Variants in RETREG1 observed in about 807,000 individuals in gnomAD.
RETREG1 encodes reticulophagy regulator 1, also known as family with sequence similarity 134 member B.
Under a neutral mutation model 54.8 loss-of-function variants are expected in RETREG1, and 44 were observed. The ratio of observed to expected loss-of-function variants is 0.80; its 90% CI spans 0.63 to 1.03. The LOEUF (loss-of-function observed/expected upper bound fraction) is 1.03. Among genes scored for constraint, RETREG1 ranks in the 50% least tolerant of loss-of-function variants. RETREG1 has a pLI of 0.00. For missense variants in RETREG1, 554 were observed against 605.1 expected (o/e 0.92, Z 0.89); for synonymous variants, 217 against 238.5 (o/e 0.91, Z 0.83).
chr5:16,596,787 T>C lies in RETREG1; in HGVS notation c.320+19865A>G, dbSNP rs183041112. 3.9e-5 allele frequency among the ~76,000 whole-genome samples: 6 copies of C among 152,210 alleles called. No homozygotes were observed. The East Asian group carries it at 7.7e-4, about 20-fold the overall frequency. ...TTCTGTGTGAGTGCCTGGAGACACGTGACAAAGAAGCCCTGTGTCACACCT... is the reference window on the plus strand; with the variant it reads ...TTCTGTGTGAGTGCCTGGAGACACGCGACAAAGAAGCCCTGTGTCACACCT... On this transcript the variant is annotated intron_variant, in intron 1 of 8. Transcript: ENST00000306320.
chr5:16,475,729 T>C (rs1398664543), intron 8 of RETREG1, among the ~76,000 whole-genome samples: 2 of 152,166 alleles, frequency 1.3e-5, no homozygotes, highest in Non-Finnish European at 2.9e-5. Flanking sequence ...TCTGTGTTTG[T>C]TTTAAGCAAT....
At chr5:16,509,367 G>T (rs1382490549) in intron 3 of RETREG1, 1 of 152,236 alleles carries the variant, frequency 6.6e-6, no homozygotes, top group East Asian at 1.9e-4. Flanking sequence ...CGAATGTTGA[G>T]TTCACGTGTT....
intron 3 of RETREG1, among the ~76,000 whole-genome samples, 199 bp downstream of exon 3, chr5:16,565,564 C>G (rs1741981933): frequency 6.6e-6 from 1 of 152,130 alleles, no homozygotes; most frequent in South Asian, 2.1e-4. Flanking sequence ...GCAAGATACA[C>G]AGCACTTCCT....
chr5:16,510,803 G>C (rs375018440), intron 3 of RETREG1, among the ~76,000 whole-genome samples: 234 of 73,490 alleles, frequency 3.2e-3, no homozygotes, highest in Admixed American at 4.4e-3. Context: ...AAAACAACAA[G>C]AACAACAACA....
intron 2 of RETREG1, among the ~76,000 whole-genome samples, chr5:16,567,072 T>C (rs537032509): frequency 1.3e-5 from 2 of 152,278 alleles, no homozygotes; most frequent in Non-Finnish European, 2.9e-5. Context: ...GTATAGCTGA[T>C]GGATAAGGAA....
At chr5:16,476,360 T>C (rs1481412947) in intron 8 of RETREG1, among the ~76,000 whole-genome samples, 1 of 152,194 alleles carries the variant, frequency 6.6e-6, no homozygotes, top group Admixed American at 6.5e-5. Context: ...TCTGCTCATA[T>C]GTTCAGTATA....
intron 1 of RETREG1, among the ~76,000 whole-genome samples, chr5:16,590,984 C>T (rs2447810): frequency 0.13 from 20,518 of 152,098 alleles, 1,402 homozygotes; most frequent in Non-Finnish European, 0.16. Flanking sequence ...TATTTGCTTG[C>T]CTCCATAGCA....
In RETREG1 at chr5:16,593,967, G is replaced by C. The variant is rs1370759991; in HGVS notation, c.321-21865C>G. Among the ~76,000 whole-genome samples, 3 of 152,250 alleles carry C rather than the reference G, an allele frequency of 2.0e-5. No homozygotes were observed. The highest frequency in any genetic ancestry group is 4.4e-5 in the Non-Finnish European group (3 of 68,040). On this transcript the variant is annotated intron_variant, in intron 1 of 8. Transcript: ENST00000306320. The surrounding 1 kb of genome is among the most constrained non-coding windows in gnomAD (Gnocchi z 4.9). ...CTGGTAGTTCCAACAAAAAGCCAAA[G>C]ATCATCACTGACATTCTGGGGATGG...
chr5:16,533,764 A>T (rs1006776532), intron 3 of RETREG1, among the ~76,000 whole-genome samples: 3 of 152,238 alleles, frequency 2.0e-5, no homozygotes, highest in Admixed American at 1.3e-4. Context: ...ATGTTACCCA[A>T]ATCACACCAC....
chr5:16,600,260 C>T (rs1743016503), intron 1 of RETREG1, among the ~76,000 whole-genome samples: 1 of 152,190 alleles, frequency 6.6e-6, no homozygotes, highest in Non-Finnish European at 1.5e-5. Flanking sequence ...CTCAGCCTCC[C>T]AAAGTGCTGG....
chr5:16,497,166 C>A (rs890452428), intron 3 of RETREG1, among the ~76,000 whole-genome samples: 1 of 152,172 alleles, frequency 6.6e-6, no homozygotes, highest in African/African-American at 2.4e-5. Flanking sequence ...ATCTCTAATC[C>A]TCACAACACT....
chr5:16,482,466 C>T (rs1273717617), intron 4 of RETREG1, among the ~76,000 whole-genome samples: 1 of 151,076 alleles, frequency 6.6e-6, no homozygotes, highest in Non-Finnish European at 1.5e-5. Context: ...AAAAAAATGC[C>T]TTCAATGAAT....
At chr5:16,572,224 T>C in intron 1 of RETREG1, 122 bp from the exon 2 acceptor site, 1 of 745,582 alleles carries the variant, frequency 1.3e-6, no homozygotes, top group East Asian at 2.8e-5. Flanking sequence ...TTTTTTTTTT[T>C]TTTTTTGAGA....
rs894244017 is a variant in RETREG1, at chr5:16,561,023, A to G, written c.458+4740T>C. On this transcript the variant is annotated intron_variant, in intron 3 of 8. Transcript: ENST00000306320. The surrounding 1 kb of genome is among the most constrained non-coding windows in gnomAD (Gnocchi z 4.2). ...CACATTGCACCATCATACACTTCTC[A>G]GGCTGTATGGGGTACTTGCAACAGT... is the stretch of plus-strand genomic sequence containing the variant. 6.6e-6 allele frequency among the ~76,000 whole-genome samples: 1 copy of G among 152,190 alleles called. No individual in the cohort carries two copies. Among genetic ancestry groups the G allele is most frequent in the Non-Finnish European group, 1.5e-5 (1 of 68,042 alleles).
chr5:16,502,465 T>C (rs1041885167), intron 3 of RETREG1, among the ~76,000 whole-genome samples: 1 of 152,146 alleles, frequency 6.6e-6, no homozygotes, highest in Non-Finnish European at 1.5e-5. Context: ...CGTGGGTCAA[T>C]CCAAAGGATA....
At chr5:16,556,164 CTT>C (rs34637909) in intron 3 of RETREG1, among the ~76,000 whole-genome samples, 118,944 of 145,758 alleles carry the variant, frequency 0.82, 48,322 homozygotes, top group Middle Eastern at 0.86. Context: ...TTTTTTTTTT[CTT>C]TTTTTTTTTG....
intron 1 of RETREG1, among the ~76,000 whole-genome samples, chr5:16,596,473 T>C (rs1167454655): frequency 6.6e-6 from 1 of 152,210 alleles, no homozygotes; most frequent in Non-Finnish European, 1.5e-5. Flanking sequence ...CATTAAGCAT[T>C]ACGCTCGAAG....
Position 16,603,291 on chromosome 5 carries a change from A to G in RETREG1, c.320+13361T>C, listed in dbSNP as rs183848465. Among the ~76,000 whole-genome samples, 199 of 152,306 alleles carry G rather than the reference A, an allele frequency of 1.3e-3. 1 individual carries two copies. Among genetic ancestry groups the G allele is most frequent in the African/African-American group, 4.6e-3 (192 of 41,566 alleles). On this transcript the variant is annotated intron_variant, in intron 1 of 8. Transcript: ENST00000306320. ...TTCATTTTTTTCTTTGACCCAAGGG[A>G]TATAAGTATTATATACCCAGAGTTT...
intron 8 of RETREG1, among the ~76,000 whole-genome samples, chr5:16,476,015 A>G (rs1031194711): frequency 6.6e-6 from 1 of 152,128 alleles, no homozygotes; most frequent in Non-Finnish European, 1.5e-5. Flanking sequence ...TGAATCTGAG[A>G]TGGGATGCTT....
Sources: gnomAD v4.1 joint callset for allele counts (sites outside exome capture counted in the v4.1 genomes callset) on GRCh38, gnomAD v4.1.1 for gene constraint, Gnocchi (gnomAD v3.1) non-coding constraint, MANE v1.5 for transcripts, NCBI Gene and HGNC (gene_info 2026-07-23, HGNC 2026-07-21) for gene names.